ASIC2: variants seen among roughly 807,000 people sequenced by gnomAD.
ASIC2 encodes the protein acid-sensing ion channel 2.
ASIC2 carries 25 observed loss-of-function variants against 57.3 expected under a neutral mutation model. The observed-to-expected ratio is 0.44, with a 90% confidence interval of 0.32 to 0.61. The LOEUF is 0.61. ASIC2 is among the 20% of genes least tolerant of loss of function. ASIC2 has a pLI of 0.06. For missense variants in ASIC2, 641 were observed against 738.1 expected, an observed-to-expected ratio of 0.87 and a Z score of 1.52; for synonymous variants, 319 against 307.5, an observed-to-expected ratio of 1.04 and a Z score of -0.39.
chr17:33,392,115 A>G (rs1361416860), intron 1 of ASIC2, among the ~76,000 whole-genome samples: 2 of 151,624 alleles, frequency 1.3e-5, no homozygotes, highest in East Asian at 1.9e-4. Flanking sequence ...TAACACCTCT[A>G]TGTCTTTGCA....
chr17:33,162,015 C>A (rs7212479), intron 1 of ASIC2, among the ~76,000 whole-genome samples: 39,334 of 151,852 alleles, frequency 0.26, 5,206 homozygotes, highest in East Asian at 0.4. Flanking sequence ...CATCAAGCAA[C>A]CATCTGGTCT....
intron 1 of ASIC2, among the ~76,000 whole-genome samples, chr17:33,407,229 A>G (rs1910504003): frequency 1.3e-5 from 2 of 152,246 alleles, no homozygotes; most frequent in Non-Finnish European, 2.9e-5. Flanking sequence ...ATCTTGGAGA[A>G]AAGGACAATG....
chr17:33,794,993 T>A (rs1464508880), intron 1 of ASIC2, among the ~76,000 whole-genome samples: 1 of 152,190 alleles, frequency 6.6e-6, no homozygotes, highest in Non-Finnish European at 1.5e-5. Flanking sequence ...CTGAATGACC[T>A]ATAAATACAA....
chr17:33,528,167 G>GGGGTGTGTGTGTGTGTGTGTGTGTGTGT (rs71362891), intron 1 of ASIC2, among the ~76,000 whole-genome samples: 4 of 143,406 alleles, frequency 2.8e-5, no homozygotes, highest in African/African-American at 5.2e-5. Flanking sequence ...GTATGTGGTA[G>GGGGTGTGTGTGTGTGTGTGTGTGTGTGT]GTGTGTGTGT....
At chr17:33,274,907 A>G (rs1413493104) in intron 1 of ASIC2, among the ~76,000 whole-genome samples, 1 of 151,932 alleles carries the variant, frequency 6.6e-6, no homozygotes, top group Non-Finnish European at 1.5e-5. Flanking sequence ...ATCACTCATC[A>G]CTCGGCAGTT....
intron 1 of ASIC2, among the ~76,000 whole-genome samples, chr17:33,689,352 G>C (rs554746164): frequency 6.6e-6 from 1 of 152,094 alleles, no homozygotes; most frequent in Non-Finnish European, 1.5e-5. Context: ...TTACTGGCAC[G>C]GGCCACAGCA....
intron 1 of ASIC2, among the ~76,000 whole-genome samples, chr17:33,200,462 C>T (rs903336556): frequency 3.3e-4 from 51 of 152,300 alleles, no homozygotes; most frequent in African/African-American, 1.2e-3. Flanking sequence ...CAAGCCTGTC[C>T]AAAACTGAGA....
intron 1 of ASIC2, among the ~76,000 whole-genome samples, chr17:33,454,170 TAAAGACC>T (rs1370162930): frequency 4.6e-5 from 7 of 152,196 alleles, no homozygotes; most frequent in African/African-American, 1.7e-4. Context: ...CCAGCCTCTG[TAAAGACC>T]AACACAGCCA....
intron 3 of ASIC2, among the ~76,000 whole-genome samples, chr17:33,042,589 A>G (rs2091933854): frequency 6.6e-6 from 1 of 152,212 alleles, no homozygotes; most frequent in South Asian, 2.1e-4. Flanking sequence ...ATGGAATTGA[A>G]ACTTTGATTG....
chr17:33,843,926 C>T (rs1233938515), intron 1 of ASIC2, among the ~76,000 whole-genome samples: 2 of 152,202 alleles, frequency 1.3e-5, no homozygotes, highest in East Asian at 3.8e-4. Flanking sequence ...CCTTGGGAGT[C>T]AAGCACCTTC....
At chr17:33,017,215 G>A (rs1245609071) in intron 8 of ASIC2, among the ~76,000 whole-genome samples, 3 of 152,188 alleles carry the variant, frequency 2.0e-5, no homozygotes, top group Non-Finnish European at 4.4e-5. Flanking sequence ...GTGGGTGGAG[G>A]GAGTGTGTGT....
At chr17:33,740,143 C>T (rs905735797) in intron 1 of ASIC2, among the ~76,000 whole-genome samples, 3 of 152,130 alleles carry the variant, frequency 2.0e-5, no homozygotes. Flanking sequence ...GAAGAATGAA[C>T]TAGAATAAGT....
At chr17:34,126,117 G>A (rs935310860) in intron 1 of ASIC2, among the ~76,000 whole-genome samples, 5 of 152,218 alleles carry the variant, frequency 3.3e-5, no homozygotes, top group Admixed American at 1.3e-4. Context: ...GCAAGACATA[G>A]AGGACCCAGT....
At chr17:33,899,107 G>A (rs1208971836) in intron 1 of ASIC2, among the ~76,000 whole-genome samples, 7 of 145,820 alleles carry the variant, frequency 4.8e-5, no homozygotes, top group African/African-American at 1.5e-4. Context: ...CAGCCTGGGC[G>A]ACAGAGCGAG....
At chr17:33,928,873 A>G (rs575463985) in intron 1 of ASIC2, among the ~76,000 whole-genome samples, 7 of 152,284 alleles carry the variant, frequency 4.6e-5, no homozygotes, top group Non-Finnish European at 7.4e-5. Context: ...GAAGCCTGAA[A>G]GTCTGTTAGG....
chr17:33,811,072 T>G (rs960399842), intron 1 of ASIC2, among the ~76,000 whole-genome samples: 20 of 152,066 alleles, frequency 1.3e-4, no homozygotes, highest in Non-Finnish European at 2.9e-5. Context: ...AGGGGAGAGA[T>G]TCACAGGACA....
intron 1 of ASIC2, among the ~76,000 whole-genome samples, chr17:34,012,617 C>G (rs1269991937): frequency 6.6e-6 from 1 of 152,054 alleles, no homozygotes; most frequent in African/African-American, 2.4e-5. Flanking sequence ...CTCAGAGTGC[C>G]CTGTTTAGAT....
chr17:33,832,999 G>A (rs1913161159), intron 1 of ASIC2, among the ~76,000 whole-genome samples: 1 of 152,142 alleles, frequency 6.6e-6, no homozygotes, highest in African/African-American at 2.4e-5. Context: ...CAAGATATAT[G>A]TGTAACAACA....
intron 1 of ASIC2, among the ~76,000 whole-genome samples, chr17:33,839,477 C>T (rs1280488950): frequency 6.6e-6 from 1 of 151,974 alleles, no homozygotes; most frequent in African/African-American, 2.4e-5. Context: ...TTTATTGTCT[C>T]CCAGCCCCAA....
Sources: gnomAD v4.1 joint callset for allele counts (sites outside exome capture counted in the v4.1 genomes callset) on GRCh38, gnomAD v4.1.1 for gene constraint, MANE v1.5 for transcripts, NCBI Gene and HGNC (gene_info 2026-07-23, HGNC 2026-07-21) for gene names.